The following ABAT variants were observed in gnomAD, a reference collection of about 807,000 sequenced individuals.
ABAT encodes the protein 4-aminobutyrate aminotransferase.
ABAT carries 45 observed loss-of-function variants against 64.6 expected under a neutral mutation model. The ratio of observed to expected loss-of-function variants is 0.70; its 90% CI spans 0.55 to 0.89. The LOEUF is 0.89. ABAT is among the 40% of genes least tolerant of loss of function. ABAT has a pLI of 0.00. For missense variants in ABAT, 633 were observed against 658.4 expected (o/e 0.96, Z 0.42); for synonymous variants, 297 against 250.5 (o/e 1.19, Z -1.75).
chr16:8,766,378 G>A (rs2059944421), intron 9 of ABAT, 108 bp downstream of exon 9: 1 of 1,078,234 alleles, frequency 9.3e-7, no homozygotes, highest in Non-Finnish European at 1.4e-6. Context: ...GGCCAGGCCA[G>A]GCGCGGTGGC....
At chr16:8,680,927 T>G (rs1231015758) in intron 1 of ABAT, among the ~76,000 whole-genome samples, 1 of 152,174 alleles carries the variant, frequency 6.6e-6, no homozygotes, top group African/African-American at 2.4e-5. Flanking sequence ...TTTGTCTTTT[T>G]GTTCTTGAGC....
chr16:8,757,303 G>A (rs1164194984), intron 5 of ABAT: 1 of 383,596 alleles, frequency 2.6e-6, no homozygotes, highest in Non-Finnish European at 5.0e-6. Context: ...GAGTACCTGG[G>A]ATTACAGGCA....
chr16:8,770,359 G>C (rs919088508), intron 11 of ABAT, among the ~76,000 whole-genome samples: 4 of 152,042 alleles, frequency 2.6e-5, no homozygotes, highest in Non-Finnish European at 4.4e-5. Flanking sequence ...GGATGGTCTC[G>C]ATCTCCTGAC....
At chr16:8,769,420 G>T (rs1010086000) in intron 11 of ABAT, among the ~76,000 whole-genome samples, 1 of 151,974 alleles carries the variant, frequency 6.6e-6, no homozygotes, top group African/African-American at 2.4e-5. Context: ...TTAGCTGGGT[G>T]TGGTGGCACA....
intron 6 of ABAT, among the ~76,000 whole-genome samples, chr16:8,763,602 C>G (rs1222167353): frequency 6.6e-6 from 1 of 152,214 alleles, no homozygotes; most frequent in African/African-American, 2.4e-5. Context: ...AAAGGTTTCA[C>G]CATGTTGGCC....
At chr16:8,702,838 C>G (rs1201988554) in intron 1 of ABAT, among the ~76,000 whole-genome samples, 1 of 152,040 alleles carries the variant, frequency 6.6e-6, no homozygotes, top group African/African-American at 2.4e-5. Context: ...TGCACACAGA[C>G]CACAGCCCAT....
chr16:8,683,746 A>T (rs891187157), intron 1 of ABAT, among the ~76,000 whole-genome samples: 1 of 152,198 alleles, frequency 6.6e-6, no homozygotes, highest in Non-Finnish European at 1.5e-5. Flanking sequence ...ACCAGTGTTT[A>T]TTGAGTACTT....
chr16:8,696,164 C>A (rs138622132), intron 1 of ABAT, among the ~76,000 whole-genome samples: 1 of 152,188 alleles, frequency 6.6e-6, no homozygotes, highest in Non-Finnish European at 1.5e-5. Flanking sequence ...GACCCTAACA[C>A]CTGGGCCCCA....
chr16:8,716,202 C>T (rs7184890), intron 1 of ABAT, among the ~76,000 whole-genome samples: 1 of 151,878 alleles, frequency 6.6e-6, no homozygotes, highest in African/African-American at 2.4e-5. Flanking sequence ...TATGCCCCCA[C>T]CCCCTGTTTT....
At chr16:8,752,601 C>T (rs536717705) in intron 5 of ABAT, among the ~76,000 whole-genome samples, 1 of 152,078 alleles carries the variant, frequency 6.6e-6, no homozygotes, top group African/African-American at 2.4e-5. Context: ...CCAATCTCTA[C>T]AAAAGAGTTT....
At chr16:8,761,988 T>G (rs13337062) in intron 6 of ABAT, among the ~76,000 whole-genome samples, 1 of 83,860 alleles carries the variant, frequency 1.2e-5, no homozygotes, top group Non-Finnish European at 3.6e-5. Flanking sequence ...TCCTTCTCCT[T>G]CTCCTTCTCC....
chr16:8,767,803 G>A (rs1156735683), intron 9 of ABAT, among the ~76,000 whole-genome samples: 1 of 152,052 alleles, frequency 6.6e-6, no homozygotes, highest in Non-Finnish European at 1.5e-5. Context: ...AGCCTCCCAA[G>A]TAGCTAGGAT....
At chr16:8,711,726 A>AGTGGATGGATG (rs2058076365) in intron 1 of ABAT, among the ~76,000 whole-genome samples, 1 of 94,738 alleles carries the variant, frequency 1.1e-5, no homozygotes, top group Non-Finnish European at 2.2e-5. Flanking sequence ...ATGGATGGGA[A>AGTGGATGGATG]GATGGATGGG....
chr16:8,773,160 T>TA (rs1567315723), intron 12 of ABAT, among the ~76,000 whole-genome samples: 55 of 111,312 alleles, frequency 4.9e-4, no homozygotes, highest in African/African-American at 1.7e-3. Flanking sequence ...ATATATATAT[T>TA]TTTTTTTTTG....
At chr16:8,683,551 T>TG (rs1555483145) in intron 1 of ABAT, 1 of 135,892 alleles carries the variant, frequency 7.4e-6, no homozygotes, top group Non-Finnish European at 1.6e-5. Context: ...ACCCTGTTTC[T>TG]AAAAAAAAAA....
chr16:8,750,099 G>A (rs180693952), intron 4 of ABAT, among the ~76,000 whole-genome samples: 1 of 152,212 alleles, frequency 6.6e-6, no homozygotes, highest in Admixed American at 6.5e-5. Context: ...ACATATTTTA[G>A]TTTTCTTTGA....
chr16:8,717,610 G>C (rs891143434), intron 1 of ABAT, among the ~76,000 whole-genome samples: 1 of 152,116 alleles, frequency 6.6e-6, no homozygotes. Context: ...GCTTAGACCA[G>C]AGTCTCCCAA....
intron 1 of ABAT, among the ~76,000 whole-genome samples, chr16:8,701,336 A>T (rs1187324765): frequency 6.6e-6 from 1 of 151,686 alleles, no homozygotes; most frequent in Non-Finnish European, 1.5e-5. Context: ...GCAGTGAATA[A>T]CGTGGTAGTG....
chr16:8,705,567 T>G (rs1262678333), intron 1 of ABAT: 1 of 152,142 alleles, frequency 6.6e-6, no homozygotes, highest in African/African-American at 2.4e-5. Flanking sequence ...TATGTTGTTT[T>G]CCAAAAGGTC....
Sources: gnomAD v4.1 joint callset for allele counts (sites outside exome capture counted in the v4.1 genomes callset) on GRCh38, gnomAD v4.1.1 for gene constraint, MANE v1.5 for transcripts, NCBI Gene and HGNC (gene_info 2026-07-23, HGNC 2026-07-21) for gene names.